Variants in ETV1 observed in about 807,000 individuals in gnomAD.
ETV1 encodes ETS translocation variant 1.
In ETV1, 27 loss-of-function variants were observed where a neutral mutation model predicts 62.3. That is an observed-to-expected ratio of 0.43 (90% CI 0.32 to 0.60). ETV1 has a LOEUF of 0.60. Ranked by LOEUF, ETV1 falls within the 20% of genes least tolerant of loss-of-function variation. The pLI is 0.06. For missense variants in ETV1, 605 were observed against 605.8 expected, an observed-to-expected ratio of 1.00 and a Z score of 0.01; for synonymous variants, 222 against 199.6, an observed-to-expected ratio of 1.11 and a Z score of -0.94.
chr7:13,976,264 CA>C (rs1048568415), intron 6 of ETV1, among the ~76,000 whole-genome samples: 12 of 152,056 alleles, frequency 7.9e-5, no homozygotes, highest in Non-Finnish European at 1.6e-4. Flanking sequence ...GCTTGGGATA[CA>C]AAAAAGTTCT....
intron 6 of ETV1, among the ~76,000 whole-genome samples, chr7:13,974,502 T>C (rs1017184794): frequency 2.6e-5 from 4 of 152,150 alleles, no homozygotes; most frequent in Non-Finnish European, 4.4e-5. Flanking sequence ...ACAGGGTGGC[T>C]TGCAAAGAGG....
At chr7:13,966,936 ATTTGTTGAATGAAT>A in intron 6 of ETV1, among the ~76,000 whole-genome samples, 1 of 152,142 alleles carries the variant, frequency 6.6e-6, no homozygotes, top group African/African-American at 2.4e-5. Flanking sequence ...CTCAAAACAC[ATTTGTTGAATGAAT>A]AAACATCTAG....
At chr7:13,988,680 T>C (rs1782789630) in intron 3 of ETV1, 1 of 1,608,470 alleles carries the variant, frequency 6.2e-7, no homozygotes, top group Admixed American at 1.7e-5. Flanking sequence ...TTGTCTCAAC[T>C]TCATTCTTTT....
At chr7:13,947,147 G>T (rs1273473907) in intron 6 of ETV1, among the ~76,000 whole-genome samples, 1 of 152,254 alleles carries the variant, frequency 6.6e-6, no homozygotes, top group Middle Eastern at 3.4e-3. Context: ...GGCATTATTT[G>T]TATCCTTACA....
At chr7:13,899,048 C>T (rs1230201267) in intron 13 of ETV1, among the ~76,000 whole-genome samples, 2 of 152,174 alleles carry the variant, frequency 1.3e-5, no homozygotes, top group Non-Finnish European at 2.9e-5. Flanking sequence ...GGAAAATAAT[C>T]TGTTCAAGAA....
At chr7:13,929,186 G>A (rs1286435716) in intron 9 of ETV1, among the ~76,000 whole-genome samples, 1 of 152,076 alleles carries the variant, frequency 6.6e-6, no homozygotes, top group East Asian at 1.9e-4. Context: ...ATTTATAATA[G>A]AGCCCACTGT....
intron 11 of ETV1, among the ~76,000 whole-genome samples, 191 bp downstream of exon 11, chr7:13,909,441 A>G (rs1933955688): frequency 6.6e-6 from 1 of 152,178 alleles, no homozygotes; most frequent in African/African-American, 2.4e-5. Context: ...CTCCTAACAC[A>G]AAAGAAAAGG....
chr7:13,934,133 C>A (rs1184957330), intron 8 of ETV1, among the ~76,000 whole-genome samples: 1 of 152,164 alleles, frequency 6.6e-6, no homozygotes, highest in Non-Finnish European at 1.5e-5. Context: ...ATGGCCCACC[C>A]TGCAATAAGA....
chr7:13,926,935 C>T (rs1249088969), intron 9 of ETV1, among the ~76,000 whole-genome samples: 1 of 152,050 alleles, frequency 6.6e-6, no homozygotes, highest in East Asian at 1.9e-4. Flanking sequence ...GTTGAAATTG[C>T]ATTCCTGTAA....
intron 12 of ETV1, chr7:13,906,179 G>A (rs1436952158): frequency 9.3e-6 from 3 of 321,542 alleles, no homozygotes; most frequent in Admixed American, 4.9e-5. Context: ...CTTAAATAAA[G>A]GTGCAAAGCA....
At chr7:13,944,408 GT>G (rs1787917016) in intron 6 of ETV1, among the ~76,000 whole-genome samples, 1 of 152,268 alleles carries the variant, frequency 6.6e-6, no homozygotes, top group South Asian at 2.1e-4. Flanking sequence ...GAAATCACAA[GT>G]GAGCTCCCTG....
At chr7:13,940,910 A>T (rs1233937590) in intron 6 of ETV1, among the ~76,000 whole-genome samples, 1 of 152,224 alleles carries the variant, frequency 6.6e-6, no homozygotes, top group Non-Finnish European at 1.5e-5. Context: ...TCTAGAAAAC[A>T]AATTTGCCAA....
At chr7:13,896,769 A>AAAGAAAG (rs1562578150) in intron 13 of ETV1, among the ~76,000 whole-genome samples, 3 of 147,104 alleles carry the variant, frequency 2.0e-5, no homozygotes, top group African/African-American at 5.4e-5. Context: ...AGAAAGAAAG[A>AAAGAAAG]AAGAAAGAAA....
At chr7:13,905,040 C>T (rs567589936) in intron 12 of ETV1, among the ~76,000 whole-genome samples, 2 of 150,770 alleles carry the variant, frequency 1.3e-5, no homozygotes, top group Non-Finnish European at 3.0e-5. Flanking sequence ...TACTGCAAAA[C>T]TAACCCTCTA....
At chr7:13,940,084 C>T (rs1410202584) in intron 6 of ETV1, among the ~76,000 whole-genome samples, 1 of 152,064 alleles carries the variant, frequency 6.6e-6, no homozygotes, top group Non-Finnish European at 1.5e-5. Context: ...TGCTATAGGC[C>T]GGGCGCCGTG....
At chr7:13,896,645 T>G (rs1347741266) in intron 13 of ETV1, among the ~76,000 whole-genome samples, 2 of 101,026 alleles carry the variant, frequency 2.0e-5, no homozygotes, top group African/African-American at 8.0e-5. Flanking sequence ...TTTGGCAGTG[T>G]GTGTTGAAAG....
At chr7:13,928,340 G>A (rs1359833481) in intron 9 of ETV1, among the ~76,000 whole-genome samples, 1 of 152,162 alleles carries the variant, frequency 6.6e-6, no homozygotes, top group East Asian at 1.9e-4. Context: ...TTTCAGGCTG[G>A]GCGTGGTGGC....
intron 6 of ETV1, among the ~76,000 whole-genome samples, chr7:13,960,187 C>T (rs964586023): frequency 1.2e-4 from 19 of 152,106 alleles, no homozygotes; most frequent in African/African-American, 3.6e-4. Context: ...GATATGCTAC[C>T]AGTATGTGGC....
At chr7:13,944,075 C>G (rs79591645) in intron 6 of ETV1, among the ~76,000 whole-genome samples, 1 of 152,094 alleles carries the variant, frequency 6.6e-6, no homozygotes, top group Non-Finnish European at 1.5e-5. Flanking sequence ...CAACAGCCTT[C>G]TATCAAAATG....
Sources: allele counts gnomAD v4.1 joint callset (sites outside exome capture counted in the v4.1 genomes callset), GRCh38; gene constraint gnomAD v4.1.1; transcripts MANE v1.5; gene names NCBI Gene and HGNC (gene_info 2026-07-23, HGNC 2026-07-21).